The following ERC2 variants were observed in gnomAD, a reference collection of about 807,000 sequenced individuals.
The protein encoded by ERC2 is ELKS/RAB6-interacting/CAST family member 2, also known as ERC protein 2.
ERC2 carries 42 observed loss-of-function variants against 114.8 expected under a neutral mutation model. The ratio of observed to expected loss-of-function variants is 0.37; its 90% CI spans 0.29 to 0.47. The LOEUF (loss-of-function observed/expected upper bound fraction) is 0.47. Ranked by LOEUF, ERC2 falls within the 20% of genes least tolerant of loss-of-function variation. The probability of loss-of-function intolerance (pLI) is 0.99; values close to 1 mark genes in which losing one functional copy is unlikely to be tolerated. For missense variants in ERC2, 939 were observed against 1,150.7 expected, an observed-to-expected ratio of 0.82 and a Z score of 2.66; for synonymous variants, 454 against 425.5, an observed-to-expected ratio of 1.07 and a Z score of -0.82.
intron 2 of ERC2, among the ~76,000 whole-genome samples, chr3:56,405,879 T>TTTTTTTTC: frequency 7.3e-6 from 1 of 136,156 alleles, no homozygotes; most frequent in African/African-American, 2.9e-5. Context: ...GGATATGAAC[T>TTTTTTTTC]TTTTTTTCTT....
intron 14 of ERC2, 49 bp downstream of exon 14, chr3:55,888,340 C>G: frequency 1.9e-6 from 3 of 1,603,122 alleles, no homozygotes; most frequent in Non-Finnish European, 2.6e-6. Context: ...TTCCCACTCT[C>G]AAGAGAGGCT....
At chr3:55,859,835 A>C (rs186405892) in intron 14 of ERC2, among the ~76,000 whole-genome samples, 2 of 152,130 alleles carry the variant, frequency 1.3e-5, no homozygotes, top group East Asian at 3.9e-4. Context: ...GAAGATCTTT[A>C]GTACAGACAG....
At chr3:55,684,669 G>T (rs897569744) in intron 16 of ERC2, among the ~76,000 whole-genome samples, 2 of 152,132 alleles carry the variant, frequency 1.3e-5, no homozygotes, top group Non-Finnish European at 2.9e-5. Context: ...AAAGTGTTTC[G>T]AAAATAGCTC....
chr3:55,930,752 A>C (rs1052521002), intron 13 of ERC2, among the ~76,000 whole-genome samples: 2 of 152,234 alleles, frequency 1.3e-5, no homozygotes, highest in Non-Finnish European at 2.9e-5. Context: ...AAATTGACAA[A>C]TGGGATCTAA....
chr3:56,114,537 G>A (rs1453159312), intron 6 of ERC2, among the ~76,000 whole-genome samples: 1 of 152,184 alleles, frequency 6.6e-6, no homozygotes, highest in Non-Finnish European at 1.5e-5. Flanking sequence ...CTTTAGCCAA[G>A]AGGGGGTTCC....
At chr3:55,855,352 A>T (rs1039384794) in intron 14 of ERC2, among the ~76,000 whole-genome samples, 1 of 152,270 alleles carries the variant, frequency 6.6e-6, no homozygotes, top group African/African-American at 2.4e-5. Context: ...GGAGAAAATC[A>T]CATTCAGTCA....
At chr3:56,303,870 C>A (rs777008398) in intron 2 of ERC2, among the ~76,000 whole-genome samples, 2 of 151,908 alleles carry the variant, frequency 1.3e-5, no homozygotes, top group Non-Finnish European at 2.9e-5. Flanking sequence ...CTGGGAGAGG[C>A]GATTAGGCAG....
intron 14 of ERC2, among the ~76,000 whole-genome samples, chr3:55,851,409 A>T (rs533670143): frequency 6.6e-6 from 1 of 152,268 alleles, no homozygotes; most frequent in African/African-American, 2.4e-5. Context: ...CTTTATTTAA[A>T]CATGTACACA....
At chr3:55,532,478 T>C (rs553871362) in intron 17 of ERC2, among the ~76,000 whole-genome samples, 1 of 152,342 alleles carries the variant, frequency 6.6e-6, no homozygotes. Context: ...TGTCCAGTGA[T>C]ATCTCAAGTA....
intron 3 of ERC2, among the ~76,000 whole-genome samples, chr3:56,175,865 C>A (rs1175792658): frequency 6.6e-6 from 1 of 152,086 alleles, no homozygotes; most frequent in Non-Finnish European, 1.5e-5. Context: ...TGAGTTTGTA[C>A]ATTTAATTTG....
At chr3:56,072,538 A>G (rs1008853528) in intron 7 of ERC2, 5 of 152,212 alleles carry the variant, frequency 3.3e-5, no homozygotes, top group South Asian at 2.1e-4. Context: ...CCTGGATTAT[A>G]CTTTTTAATT....
chr3:56,453,036 G>A (rs2062892610), intron 1 of ERC2, among the ~76,000 whole-genome samples: 1 of 151,994 alleles, frequency 6.6e-6, no homozygotes, highest in Non-Finnish European at 1.5e-5. Context: ...GATTAAAAAG[G>A]TTGCCAAAAA....
intron 17 of ERC2, among the ~76,000 whole-genome samples, chr3:55,648,758 C>A (rs1425230681): frequency 1.3e-5 from 2 of 152,130 alleles, no homozygotes; most frequent in African/African-American, 2.4e-5. Context: ...GAGGACTGAG[C>A]CCCAGGCAGG....
intron 17 of ERC2, among the ~76,000 whole-genome samples, chr3:55,599,458 C>A (rs913970495): frequency 6.6e-6 from 1 of 152,142 alleles, no homozygotes; most frequent in South Asian, 2.1e-4. Context: ...TATGCACACA[C>A]CAGAGAAATT....
chr3:56,304,584 C>T lies in ERC2; in HGVS notation c.658-8149G>A, dbSNP rs553667170. Among the ~76,000 whole-genome samples, 80 of 152,230 alleles carry T rather than the reference C, an allele frequency of 5.3e-4. 1 individual carries two copies. In the Middle Eastern group the frequency reaches 0.014, roughly 26 times the overall value. On this transcript the variant is annotated intron_variant, in intron 2 of 17. Coordinates refer to ENST00000288221, the MANE Select transcript of ERC2 (RefSeq NM_015576.3). ...GGCATGAACTATACAAGAAAGGTAC[C>T]TTCTAGTCCAAACTTCACACTTAGA...
At chr3:55,674,452 T>C (rs1464032803) in intron 17 of ERC2, among the ~76,000 whole-genome samples, 1 of 152,212 alleles carries the variant, frequency 6.6e-6, no homozygotes, top group African/African-American at 2.4e-5. Context: ...TGAGAAAATT[T>C]TTTTCCTGAT....
chr3:55,950,385 T>G, intron 13 of ERC2, 40 bp downstream of exon 13: 1 of 1,609,128 alleles, frequency 6.2e-7, no homozygotes, highest in Non-Finnish European at 8.5e-7. Context: ...AGAGTCCATC[T>G]CTAGTTATTT....
At chr3:55,703,191 C>T (rs2063313630) in intron 15 of ERC2, among the ~76,000 whole-genome samples, 1 of 152,168 alleles carries the variant, frequency 6.6e-6, no homozygotes, top group South Asian at 2.1e-4. Context: ...TTCTGTTCCT[C>T]CCTGGATTCA....
intron 12 of ERC2, among the ~76,000 whole-genome samples, chr3:55,958,086 C>G (rs2068089357): frequency 6.6e-6 from 1 of 152,156 alleles, no homozygotes; most frequent in Non-Finnish European, 1.5e-5. Flanking sequence ...GGAGGGTGAG[C>G]AAGGTAGAGA....
Sources: allele counts gnomAD v4.1 joint callset (sites outside exome capture counted in the v4.1 genomes callset), GRCh38; gene constraint gnomAD v4.1.1; transcripts MANE v1.5; gene names NCBI Gene and HGNC (gene_info 2026-07-23, HGNC 2026-07-21).